The following EPSTI1 variants were observed in gnomAD, a reference collection of about 807,000 sequenced individuals.
EPSTI1 encodes epithelial-stromal interaction protein 1.
EPSTI1 carries 66 observed loss-of-function variants against 49.9 expected under a neutral mutation model. That is an observed-to-expected ratio of 1.32 (90% CI 1.08 to 1.62). The LOEUF (loss-of-function observed/expected upper bound fraction) is 1.62. Among genes scored for constraint, EPSTI1 ranks in the 40% most tolerant of loss-of-function variants. The pLI is 0.00. For missense variants in EPSTI1, 394 were observed against 365.5 expected, an observed-to-expected ratio of 1.08 and a Z score of -0.64; for synonymous variants, 137 against 130.7, an observed-to-expected ratio of 1.05 and a Z score of -0.33.
At chr13:42,896,681 T>G (rs549993648) in intron 9 of EPSTI1, among the ~76,000 whole-genome samples, 2 of 152,208 alleles carry the variant, frequency 1.3e-5, no homozygotes, top group Non-Finnish European at 2.9e-5. Context: ...ATGTCTTCCT[T>G]TTGCTTAAAA....
chr13:42,959,526 G>A (rs775540093), intron 5 of EPSTI1, among the ~76,000 whole-genome samples: 13 of 152,186 alleles, frequency 8.5e-5, no homozygotes, highest in Non-Finnish European at 1.8e-4. Flanking sequence ...AAAGCAACAA[G>A]TGTGATCCCT....
intron 9 of EPSTI1, among the ~76,000 whole-genome samples, chr13:42,897,293 A>G (rs2037220171): frequency 6.6e-6 from 1 of 152,026 alleles, no homozygotes; most frequent in East Asian, 1.9e-4. Context: ...TAAGTAACCT[A>G]TCATCTCCAA....
At position 42,926,986 on chromosome 13, in the gene EPSTI1, A is replaced by G. The variant is rs1417651543; in HGVS notation, c.564-557T>C. Among the ~76,000 whole-genome samples the G allele has an allele frequency of 4.4e-5, 3 of 68,174 alleles. No individual in the cohort carries two copies. The East Asian group carries it at 1.4e-3, about 32-fold the overall frequency. The allele number at this position is 68,174 out of a possible 152,430, so 44.7% of individuals were successfully genotyped here. A position where few individuals can be genotyped will look rare whatever the true frequency, so the allele number is the denominator to read the frequency against. ...TGAAAGCAAAAGTGAACCCTCTGTT[A>G]ACAGACACACACACACACACACACA... On this transcript the variant is annotated intron_variant, in intron 6 of 10. Coordinates refer to ENST00000313624, the MANE Select transcript of EPSTI1 (RefSeq NM_033255.5).
chr13:42,894,140 A>G (rs1193900539), intron 10 of EPSTI1, among the ~76,000 whole-genome samples: 1 of 152,236 alleles, frequency 6.6e-6, no homozygotes, highest in Non-Finnish European at 1.5e-5. Context: ...TTTCAAAGGT[A>G]CATGCTGTAA....
chr13:42,920,262 GGAGTA>G (rs1566117614), intron 7 of EPSTI1, among the ~76,000 whole-genome samples: 1 of 152,118 alleles, frequency 6.6e-6, no homozygotes, highest in Non-Finnish European at 1.5e-5. Flanking sequence ...TCAAGATGGT[GGAGTA>G]AAGATGTTCC....
At chr13:42,965,305 A>G (rs186334019) in intron 3 of EPSTI1, among the ~76,000 whole-genome samples, 1 of 152,236 alleles carries the variant, frequency 6.6e-6, no homozygotes, top group Admixed American at 6.5e-5. Flanking sequence ...TACATTCTAG[A>G]ATTTTCTTTT....
chr13:42,932,235 T>G (rs1240415963), intron 6 of EPSTI1, among the ~76,000 whole-genome samples: 2 of 152,152 alleles, frequency 1.3e-5, no homozygotes, highest in African/African-American at 2.4e-5. Context: ...GCTCAGTCTA[T>G]TCACGATTAA....
At chr13:42,936,235 A>C (rs1332017791) in intron 6 of EPSTI1, among the ~76,000 whole-genome samples, 1 of 152,162 alleles carries the variant, frequency 6.6e-6, no homozygotes, top group Admixed American at 6.5e-5. Context: ...TCAGCATACA[A>C]ACATGATCAA....
chr13:42,896,347 A>T (rs977674818), intron 9 of EPSTI1, among the ~76,000 whole-genome samples: 2 of 152,180 alleles, frequency 1.3e-5, no homozygotes, highest in African/African-American at 4.8e-5. Context: ...CTGGAGACTC[A>T]ACTATCAAGA....
chr13:42,953,375 C>T (rs2039160815), intron 6 of EPSTI1, among the ~76,000 whole-genome samples: 2 of 152,110 alleles, frequency 1.3e-5, no homozygotes, highest in African/African-American at 2.4e-5. Context: ...AGGACATGAG[C>T]TTATCCTTAA....
chr13:42,906,396 T>C (rs536619513), intron 8 of EPSTI1, among the ~76,000 whole-genome samples: 2 of 152,340 alleles, frequency 1.3e-5, no homozygotes, highest in East Asian at 3.9e-4. Flanking sequence ...TTTAAAACCA[T>C]GTCTGAATCC....
At chr13:42,942,729 C>T (rs532672008) in intron 6 of EPSTI1, among the ~76,000 whole-genome samples, 7 of 121,450 alleles carry the variant, frequency 5.8e-5, no homozygotes, top group South Asian at 2.8e-4. Context: ...TCGCCCAGGC[C>T]GGACTGCAGA....
At chr13:42,904,645 T>C (rs1451973404) in intron 8 of EPSTI1, among the ~76,000 whole-genome samples, 1 of 152,148 alleles carries the variant, frequency 6.6e-6, no homozygotes, top group East Asian at 1.9e-4. Context: ...ACTTGTACCA[T>C]AAGTGAGACC....
In EPSTI1 at chr13:42,927,741, C is replaced by T. The variant is rs144584876; in HGVS notation, c.564-1312G>A. ...CCTGAGAAACATTCAGCAGTTGAGA[C>T]GAGCAGCCTTTCCATTTGTCTTAGA... On this transcript the variant is annotated intron_variant, in intron 6 of 10. Transcript: ENST00000313624. Among the ~76,000 whole-genome samples, 6 of 152,160 alleles carry T rather than the reference C, an allele frequency of 3.9e-5. No individual in the cohort carries two copies. In the South Asian group the frequency reaches 6.2e-4, roughly 16 times the overall value.
At chr13:42,941,867 C>G (rs1344199968) in intron 6 of EPSTI1, among the ~76,000 whole-genome samples, 1 of 151,838 alleles carries the variant, frequency 6.6e-6, no homozygotes, top group African/African-American at 2.4e-5. Flanking sequence ...CATTTTATGT[C>G]TATACAATTA....
chr13:42,939,425 TGA>T lies in EPSTI1; in HGVS notation c.564-12998_564-12997del, dbSNP rs1163172202. ...GTCATTTTTAGCTTTTGATTTAAAA[TGA>T]GAGACATGTGATATTTCCTTTTACT... On this transcript the variant is annotated intron_variant, in intron 6 of 10. Coordinates refer to ENST00000313624, the MANE Select transcript of EPSTI1 (RefSeq NM_033255.5). 3.3e-5 allele frequency among the ~76,000 whole-genome samples: 4 copies of T among 122,122 alleles called. No individual in the cohort carries two copies. In the East Asian group the frequency reaches 9.1e-4, roughly 28 times the overall value. 80.1% of individuals were successfully genotyped at this position (122,122 alleles called of 152,430 possible). A position where few individuals can be genotyped will look rare whatever the true frequency, so the allele number is the denominator to read the frequency against.
At position 42,917,640 on chromosome 13, in the gene EPSTI1, G is replaced by GAAAAAAAAAAAA; in HGVS notation, c.658-17_658-16insTTTTTTTTTTTT. ...AGCTTCTGGCCTGTAAAGGTACAAA[G>GAAAAAAAAAAAA]AGAAAAAAAAAAAAAAAAACAACTT... On this transcript the variant is annotated splice_polypyrimidine_tract_variant and intron_variant, in intron 7 of 10. Coordinates refer to ENST00000313624, the MANE Select transcript of EPSTI1 (RefSeq NM_033255.5). The GAAAAAAAAAAAA allele has an allele frequency of 2.0e-5, 3 of 149,386 alleles. No homozygotes were observed. The highest frequency in any genetic ancestry group is 3.2e-5 in the Non-Finnish European group (3 of 92,624). The allele number at this position is 149,386 out of a possible 1,614,324, so 9.3% of individuals were successfully genotyped here.
intron 1 of EPSTI1, among the ~76,000 whole-genome samples, chr13:42,986,724 G>T (rs899384891): frequency 1.1e-4 from 14 of 128,142 alleles, no homozygotes; most frequent in African/African-American, 4.5e-4. Flanking sequence ...CAGCCTGGGT[G>T]ACACAGCAAG....
Position 42,888,207 on chromosome 13 carries a change from C to T in EPSTI1, c.*287G>A. 2.5e-6 allele frequency: 4 copies of T among 1,602,052 alleles called. No individual in the cohort carries two copies. Among genetic ancestry groups the T allele is most frequent in the Non-Finnish European group, 3.4e-6 (4 of 1,172,502 alleles). On this transcript the variant is annotated 3_prime_UTR_variant, in exon 11 of 11. Transcript: ENST00000313624. Reference sequence around the variant, plus strand: ...TAACCTGAAAGCATCAAGTGACTCCCTCTTTTTCTACCCTACCAACATCAC... The same window carrying T: ...TAACCTGAAAGCATCAAGTGACTCCTTCTTTTTCTACCCTACCAACATCAC...
Sources: gnomAD v4.1 joint callset for allele counts (sites outside exome capture counted in the v4.1 genomes callset) on GRCh38, gnomAD v4.1.1 for gene constraint, MANE v1.5 for transcripts, NCBI Gene and HGNC (gene_info 2026-07-23, HGNC 2026-07-21) for gene names.